Variants in ZFHX3 observed in about 807,000 individuals in gnomAD.
The protein encoded by ZFHX3 is zinc finger homeobox 3, also known as zinc finger homeobox protein 3.
Under a neutral mutation model 279.1 loss-of-function variants are expected in ZFHX3, and 42 were observed. The observed-to-expected ratio is 0.15, with a 90% CI of 0.12 to 0.19. ZFHX3 has a LOEUF of 0.19. Among genes scored for constraint, ZFHX3 ranks in the 10% least tolerant of loss-of-function variants. The probability of loss-of-function intolerance (pLI) is 1.00; values close to 1 mark genes in which losing one functional copy is unlikely to be tolerated. For missense variants in ZFHX3, 4,981 were observed against 4,754.0 expected, an observed-to-expected ratio of 1.05 and a Z score of -1.40; for synonymous variants, 2,293 against 1,957.8, an observed-to-expected ratio of 1.17 and a Z score of -4.52.
At chr16:73,602,666 G>C (rs1326838590) in intron 2 of ZFHX3, among the ~76,000 whole-genome samples, 1 of 151,978 alleles carries the variant, frequency 6.6e-6, no homozygotes, top group Non-Finnish European at 1.5e-5. Flanking sequence ...TATCATCTCG[G>C]CTAGGCGCGG....
intron 1 of ZFHX3, among the ~76,000 whole-genome samples, chr16:73,700,122 C>T (rs1389557372): frequency 6.6e-6 from 1 of 152,010 alleles, no homozygotes; most frequent in Non-Finnish European, 1.5e-5. Context: ...ACGTGAAAGG[C>T]CGATGTGGGA....
At chr16:73,001,227 C>T (rs1034721089) in intron 1 of ZFHX3, among the ~76,000 whole-genome samples, 1 of 152,166 alleles carries the variant, frequency 6.6e-6, no homozygotes, top group Non-Finnish European at 1.5e-5. Flanking sequence ...ACCCACATGG[C>T]AAAGAACTGA....
At chr16:73,316,974 C>T (rs1567448591) in intron 4 of ZFHX3, among the ~76,000 whole-genome samples, 1 of 152,136 alleles carries the variant, frequency 6.6e-6, no homozygotes, top group Non-Finnish European at 1.5e-5. Flanking sequence ...TTTACTCAAT[C>T]TGTGAGAAAC....
intron 3 of ZFHX3, among the ~76,000 whole-genome samples, chr16:73,447,969 G>C (rs2143551783): frequency 6.6e-6 from 1 of 152,208 alleles, no homozygotes; most frequent in Admixed American, 6.5e-5. Flanking sequence ...CAAACTGAAG[G>C]GCCTGCTAGA....
In ZFHX3 at chr16:73,800,105, T is replaced by C. The variant is rs143741586; in HGVS notation, c.-1608+91546A>G. 4.2e-3 allele frequency among the ~76,000 whole-genome samples: 642 copies of C among 152,282 alleles called. 5 individuals are homozygous for C. Among genetic ancestry groups the C allele is most frequent in the African/African-American group, 0.014 (596 of 41,554 alleles). ...TTGTTTAATAAAACAATGACTTCTA[T>C]AGAAATCATCTACAAACATGAGGAT... On this transcript the variant is annotated intron_variant, in intron 1 of 17. Coordinates refer to the ZFHX3 transcript ENST00000641206.
intron 7 of ZFHX3, among the ~76,000 whole-genome samples, chr16:73,105,989 C>T (rs998314630): frequency 5.6e-5 from 8 of 143,584 alleles, no homozygotes; most frequent in Admixed American, 2.1e-4. Context: ...ACCTGCCGCC[C>T]GGAACGCCAG....
chr16:73,278,541 G>A (rs954312242), intron 4 of ZFHX3, among the ~76,000 whole-genome samples: 6 of 152,212 alleles, frequency 3.9e-5, no homozygotes, highest in Non-Finnish European at 5.9e-5. Flanking sequence ...AAGAGCAAAA[G>A]AACAAAGCTT....
chr16:73,487,526 G>C (rs1318609561), intron 2 of ZFHX3: 21 of 366,086 alleles, frequency 5.7e-5, no homozygotes, highest in Non-Finnish European at 1.0e-4. Flanking sequence ...TCAGCCTTCT[G>C]AGTAGCTGGG....
At chr16:73,332,844 G>C (rs1173731294) in intron 3 of ZFHX3, among the ~76,000 whole-genome samples, 5 of 152,176 alleles carry the variant, frequency 3.3e-5, no homozygotes, top group East Asian at 3.9e-4. Flanking sequence ...GTTTCCAAGA[G>C]AGAAACTGAG....
chr16:73,086,250 G>A (rs369466791), intron 8 of ZFHX3, among the ~76,000 whole-genome samples: 3 of 152,166 alleles, frequency 2.0e-5, no homozygotes, highest in Admixed American at 1.3e-4. Flanking sequence ...GGGAACCCAC[G>A]TGCACTGTTG....
chr16:72,864,167 A>C (rs143403801), intron 4 of ZFHX3, among the ~76,000 whole-genome samples: 1 of 152,198 alleles, frequency 6.6e-6, no homozygotes, highest in Non-Finnish European at 1.5e-5. Flanking sequence ...CAGGTACCTC[A>C]ACAACCCCTA....
intron 5 of ZFHX3, 133 bp downstream of exon 5, chr16:72,829,646 A>T: frequency 1.1e-6 from 1 of 915,638 alleles, no homozygotes; most frequent in Non-Finnish European, 1.7e-6. Flanking sequence ...CCTCCCACTC[A>T]TCCTTTTTCT....
chr16:73,734,412 G>C (rs955277640), intron 1 of ZFHX3, among the ~76,000 whole-genome samples: 2 of 152,136 alleles, frequency 1.3e-5, no homozygotes, highest in African/African-American at 4.8e-5. Context: ...ATATTCAAAA[G>C]AATAATGAAG....
chr16:73,458,673 T>C (rs2018419660), intron 2 of ZFHX3, among the ~76,000 whole-genome samples: 1 of 152,150 alleles, frequency 6.6e-6, no homozygotes, highest in African/African-American at 2.4e-5. Flanking sequence ...GCGGGTTGGC[T>C]CCCTCGGTCA....
intron 1 of ZFHX3, among the ~76,000 whole-genome samples, chr16:73,695,841 G>A (rs760241256): frequency 6.6e-6 from 1 of 152,106 alleles, no homozygotes; most frequent in Non-Finnish European, 1.5e-5. Context: ...TATCTCCACT[G>A]CCTTCTCTCC....
intron 1 of ZFHX3, among the ~76,000 whole-genome samples, chr16:73,747,674 T>C (rs945423331): frequency 1.3e-5 from 2 of 152,180 alleles, no homozygotes; most frequent in Non-Finnish European, 2.9e-5. Flanking sequence ...AGTATAGGTA[T>C]AGGTAATGTA....
In ZFHX3 at chr16:73,880,630, A is replaced by C. The variant is rs117029792; in HGVS notation, c.-1608+11021T>G. 9.9e-5 allele frequency among the ~76,000 whole-genome samples: 15 copies of C among 152,282 alleles called. No homozygotes were observed. The East Asian group carries it at 2.5e-3, about 26-fold the overall frequency. On this transcript the variant is annotated intron_variant, in intron 1 of 17. Coordinates refer to the ZFHX3 transcript ENST00000641206. ...AGCAGTGTAGCTCTGTATTAACCTG[A>C]AATGCTTCTATCTAAGAGTAAAATC... is the stretch of plus-strand genomic sequence containing the variant.
chr16:73,374,505 T>C (rs953499367), intron 3 of ZFHX3, among the ~76,000 whole-genome samples: 10 of 152,188 alleles, frequency 6.6e-5, no homozygotes, highest in Admixed American at 3.9e-4. Flanking sequence ...TCTAAAACAA[T>C]GATACAGTTT....
chr16:73,220,473 T>G (rs957277377), intron 5 of ZFHX3, among the ~76,000 whole-genome samples: 3 of 152,126 alleles, frequency 2.0e-5, no homozygotes, highest in African/African-American at 7.2e-5. Context: ...TCAGAAATAC[T>G]ATGTCAAAGG....
Sources: allele counts gnomAD v4.1 joint callset (sites outside exome capture counted in the v4.1 genomes callset), GRCh38; gene constraint gnomAD v4.1.1; transcripts MANE v1.5; gene names NCBI Gene and HGNC (gene_info 2026-07-23, HGNC 2026-07-21).